PTPRD: variants seen among roughly 807,000 people sequenced by gnomAD.
The protein encoded by PTPRD is receptor-type tyrosine-protein phosphatase delta.
Under a neutral mutation model 214.5 loss-of-function variants are expected in PTPRD, and 34 were observed. The ratio of observed to expected loss-of-function variants is 0.16; its 90% CI spans 0.12 to 0.21. PTPRD has a LOEUF of 0.21. Ranked by LOEUF, PTPRD falls within the 10% of genes least tolerant of loss-of-function variation. PTPRD has a pLI of 1.00. For missense variants in PTPRD, 2,545 were observed against 2,398.7 expected, an observed-to-expected ratio of 1.06 and a Z score of -1.27; for synonymous variants, 1,128 against 845.7, an observed-to-expected ratio of 1.33 and a Z score of -5.79.
chr9:10,190,718 C>CAAAAAAA (rs57891244), intron 3 of PTPRD, among the ~76,000 whole-genome samples: 14 of 44,208 alleles, frequency 3.2e-4, no homozygotes, highest in South Asian at 1.0e-3. Context: ...AACTCTGTCT[C>CAAAAAAA]AAAAAAAAAA....
intron 7 of PTPRD, among the ~76,000 whole-genome samples, chr9:9,684,759 C>T (rs1452565835): frequency 2.6e-5 from 4 of 151,094 alleles, no homozygotes; most frequent in Non-Finnish European, 4.4e-5. Context: ...TGGGATTATT[C>T]GCTCTAATTC....
chr9:10,519,242 C>T (rs939549146), intron 2 of PTPRD, among the ~76,000 whole-genome samples: 2 of 129,004 alleles, frequency 1.6e-5, no homozygotes, highest in African/African-American at 2.9e-5. Flanking sequence ...AGAAGAACTC[C>T]TCTCATTTCC....
intron 4 of PTPRD, among the ~76,000 whole-genome samples, chr9:9,995,499 C>A (rs1205788355): frequency 1.3e-5 from 2 of 152,084 alleles, no homozygotes; most frequent in Admixed American, 6.6e-5. Flanking sequence ...CTTTTACTTG[C>A]CTCTTCAGAT....
At chr9:9,617,901 T>C (rs1472922515) in intron 7 of PTPRD, among the ~76,000 whole-genome samples, 1 of 150,860 alleles carries the variant, frequency 6.6e-6, no homozygotes, top group Non-Finnish European at 1.5e-5. Context: ...TGAAACCCTG[T>C]CTCTACTAAA....
intron 7 of PTPRD, among the ~76,000 whole-genome samples, chr9:9,592,921 T>G (rs1482007781): frequency 6.6e-6 from 1 of 151,948 alleles, no homozygotes; most frequent in African/African-American, 2.4e-5. Context: ...GGTACACACC[T>G]GTAGTCCCAG....
At chr9:8,937,092 T>TA in intron 11 of PTPRD, among the ~76,000 whole-genome samples, 1 of 151,864 alleles carries the variant, frequency 6.6e-6, no homozygotes, top group Non-Finnish European at 1.5e-5. Context: ...GTAGTTTTTT[T>TA]ACCGCATCAT....
At chr9:8,676,761 A>C (rs1477929439) in intron 12 of PTPRD, among the ~76,000 whole-genome samples, 4 of 152,068 alleles carry the variant, frequency 2.6e-5, no homozygotes, top group African/African-American at 9.7e-5. Context: ...TTTAGTAGAG[A>C]CAGGGTTTCT....
At chr9:8,459,244 G>A (rs952704783) in intron 33 of PTPRD, among the ~76,000 whole-genome samples, 1 of 152,042 alleles carries the variant, frequency 6.6e-6, no homozygotes, top group African/African-American at 2.4e-5. Context: ...AAGCATGTAA[G>A]CAAGAATCAA....
At chr9:8,810,353 A>T (rs1021721884) in intron 11 of PTPRD, among the ~76,000 whole-genome samples, 4 of 152,114 alleles carry the variant, frequency 2.6e-5, no homozygotes, top group Admixed American at 6.6e-5. Flanking sequence ...CTGCTTGGTT[A>T]CCTTCTTCAA....
chr9:8,730,468 T>C (rs2098644791), intron 12 of PTPRD, among the ~76,000 whole-genome samples: 1 of 152,082 alleles, frequency 6.6e-6, no homozygotes, highest in African/African-American at 2.4e-5. Context: ...ATTTCTGAGA[T>C]CAGGTAAACA....
At chr9:9,112,679 G>C (rs2099807717) in intron 10 of PTPRD, among the ~76,000 whole-genome samples, 1 of 152,052 alleles carries the variant, frequency 6.6e-6, no homozygotes. Context: ...AAAATGAAAA[G>C]CTTTTAAGAA....
chr9:10,592,142 T>C (rs1298951274), intron 2 of PTPRD, among the ~76,000 whole-genome samples: 1 of 152,006 alleles, frequency 6.6e-6, no homozygotes, highest in Non-Finnish European at 1.5e-5. Flanking sequence ...AAGAAAGTTA[T>C]TTTGCCAAAA....
At chr9:8,939,845 T>C (rs947015784) in intron 11 of PTPRD, among the ~76,000 whole-genome samples, 5 of 152,148 alleles carry the variant, frequency 3.3e-5, no homozygotes, top group Non-Finnish European at 2.9e-5. Flanking sequence ...TACTTGGTGA[T>C]AGTTTTCTTA....
chr9:10,394,858 A>G (rs1053559024), intron 2 of PTPRD, among the ~76,000 whole-genome samples: 2 of 151,782 alleles, frequency 1.3e-5, no homozygotes, highest in African/African-American at 4.8e-5. Context: ...AGGTACCAAG[A>G]TGGTCATTCC....
intron 4 of PTPRD, among the ~76,000 whole-genome samples, chr9:9,984,795 G>A (rs2095653963): frequency 2.0e-5 from 3 of 152,040 alleles, no homozygotes; most frequent in African/African-American, 7.2e-5. Context: ...TCGGAGGCCT[G>A]GAATACCCAG....
intron 3 of PTPRD, among the ~76,000 whole-genome samples, chr9:10,242,121 G>T (rs986043301): frequency 1.3e-5 from 2 of 151,898 alleles, no homozygotes; most frequent in African/African-American, 2.4e-5. Context: ...GACTATAAAA[G>T]GTATGTGATC....
At chr9:8,578,405 C>T (rs925741358) in intron 14 of PTPRD, among the ~76,000 whole-genome samples, 2 of 120,002 alleles carry the variant, frequency 1.7e-5, no homozygotes, top group Admixed American at 1.6e-4. Flanking sequence ...TTAATGTTTG[C>T]CCTTCATAAA....
intron 3 of PTPRD, among the ~76,000 whole-genome samples, chr9:10,038,689 A>G (rs1274301585): frequency 1.3e-5 from 2 of 152,104 alleles, no homozygotes; most frequent in Non-Finnish European, 2.9e-5. Context: ...TTACACCTTG[A>G]AAATATTTGC....
intron 2 of PTPRD, among the ~76,000 whole-genome samples, chr9:10,438,013 A>G (rs1306638130): frequency 1.7e-5 from 2 of 120,104 alleles, no homozygotes; most frequent in Non-Finnish European, 3.0e-5. Context: ...GTCTACATAT[A>G]TATATATATA....
Sources: gnomAD v4.1 joint callset for allele counts (sites outside exome capture counted in the v4.1 genomes callset) on GRCh38, gnomAD v4.1.1 for gene constraint, MANE v1.5 for transcripts, NCBI Gene and HGNC (gene_info 2026-07-23, HGNC 2026-07-21) for gene names.